The following PYGO1 variants were observed in gnomAD, a reference collection of about 807,000 sequenced individuals.
The protein encoded by PYGO1 is pygopus homolog 1.
PYGO1 carries 6 observed loss-of-function variants against 29.5 expected under a neutral mutation model. That is an observed-to-expected ratio of 0.20 (90% confidence interval 0.11 to 0.40). PYGO1 has a LOEUF of 0.40. PYGO1 is among the 10% of genes least tolerant of loss of function. PYGO1 has a pLI of 1.00. For missense variants in PYGO1, 515 were observed against 514.9 expected (o/e 1.00, Z 0.00); for synonymous variants, 186 against 180.5 (o/e 1.03, Z -0.24).
At chr15:55,565,251 T>C (rs1461182386) in intron 1 of PYGO1, among the ~76,000 whole-genome samples, 2 of 152,090 alleles carry the variant, frequency 1.3e-5, no homozygotes, top group Non-Finnish European at 2.9e-5. Context: ...GACATCTTGG[T>C]GGTCATCTTA....
At chr15:55,588,793 G>C (rs1240815095), upstream of PYGO1, 3 of 1,613,244 alleles carry the variant, frequency 1.9e-6, no homozygotes, top group South Asian at 3.3e-5. Flanking sequence ...GGATCGGAAA[G>C]ATGAACGTAC....
intron 1 of PYGO1, among the ~76,000 whole-genome samples, chr15:55,579,523 T>C (rs2059017371): frequency 1.3e-5 from 2 of 152,134 alleles, no homozygotes; most frequent in East Asian, 3.8e-4. Context: ...AAATTCTTTT[T>C]TATTTTATAA....
upstream of PYGO1, among the ~76,000 whole-genome samples, chr15:55,588,575 G>A (rs994542154): frequency 7.1e-5 from 10 of 140,410 alleles, no homozygotes; most frequent in Non-Finnish European, 1.6e-4. Context: ...CCAAGCCGGG[G>A]CTCGCGGGCC....
chr15:55,585,050 A>T (rs1189903962), intron 1 of PYGO1, among the ~76,000 whole-genome samples: 1 of 152,232 alleles, frequency 6.6e-6, no homozygotes, highest in Non-Finnish European at 1.5e-5. Flanking sequence ...ACAAGTGATT[A>T]TGATGCTTTT....
At chr15:55,583,353 A>C (rs2059033059) in intron 1 of PYGO1, among the ~76,000 whole-genome samples, 1 of 151,456 alleles carries the variant, frequency 6.6e-6, no homozygotes, top group South Asian at 2.1e-4. Flanking sequence ...TAAATCTACA[A>C]ATACGTTTAA....
At chr15:55,572,835 T>C (rs1363730033) in intron 1 of PYGO1, among the ~76,000 whole-genome samples, 1 of 151,148 alleles carries the variant, frequency 6.6e-6, no homozygotes, top group Non-Finnish European at 1.5e-5. Context: ...CAATGAGAAA[T>C]AACCTTACAT....
intron 1 of PYGO1, among the ~76,000 whole-genome samples, chr15:55,559,284 C>A (rs2058922036): frequency 6.6e-6 from 1 of 152,062 alleles, no homozygotes; most frequent in African/African-American, 2.4e-5. Flanking sequence ...AATGAGATAC[C>A]ATCTCACACC....
At chr15:55,587,677 C>G (rs2059054283) in intron 1 of PYGO1, among the ~76,000 whole-genome samples, 158 bp downstream of exon 1, 1 of 151,844 alleles carries the variant, frequency 6.6e-6, no homozygotes. Flanking sequence ...GCCCGGGCCG[C>G]GCGCTCGGAT....
chr15:55,586,930 G>T (rs1013953680), intron 1 of PYGO1, among the ~76,000 whole-genome samples: 1 of 152,164 alleles, frequency 6.6e-6, no homozygotes, highest in African/African-American at 2.4e-5. Flanking sequence ...CCACAAGAGG[G>T]TGAACTCCTA....
chr15:55,560,287 G>A (rs568614447), intron 1 of PYGO1, among the ~76,000 whole-genome samples: 7 of 152,160 alleles, frequency 4.6e-5, no homozygotes, highest in South Asian at 2.1e-4. Context: ...AAACCCCATC[G>A]TCTCAGCTCA....
intron 1 of PYGO1, among the ~76,000 whole-genome samples, chr15:55,573,059 C>A (rs528727192): frequency 1.3e-5 from 2 of 150,464 alleles, no homozygotes; most frequent in Non-Finnish European, 2.9e-5. Flanking sequence ...GTAATCCCAG[C>A]ACTTTGGGAG....
chr15:55,582,038 C>G (rs1019165520), intron 1 of PYGO1, among the ~76,000 whole-genome samples: 1 of 151,772 alleles, frequency 6.6e-6, no homozygotes, highest in Non-Finnish European at 1.5e-5. Flanking sequence ...GAAATCAGCC[C>G]TCTACTAAAC....
chr15:55,557,105 TAAAG>T (rs1180933916), intron 1 of PYGO1, among the ~76,000 whole-genome samples: 1 of 150,380 alleles, frequency 6.6e-6, no homozygotes, highest in Non-Finnish European at 1.5e-5. Context: ...GGACGACTAA[TAAAG>T]AAGAAAAGAG....
chr15:55,549,059 G>A, intron 1 of PYGO1, 64 bp from the exon 2 acceptor site: 2 of 1,234,080 alleles, frequency 1.6e-6, no homozygotes, highest in Non-Finnish European at 2.3e-6. Flanking sequence ...ATATCTCATA[G>A]TAATATCTAT....
intron 1 of PYGO1, among the ~76,000 whole-genome samples, chr15:55,586,027 A>C (rs1372583945): frequency 6.6e-6 from 1 of 152,190 alleles, no homozygotes. Context: ...TGGCTAAGAA[A>C]ATCATTTTCT....
intron 1 of PYGO1, among the ~76,000 whole-genome samples, chr15:55,556,937 C>A (rs1203136086): frequency 1.3e-5 from 2 of 151,676 alleles, no homozygotes; most frequent in African/African-American, 4.8e-5. Context: ...CCTCCCAAGA[C>A]TGAACCAGGA....
At chr15:55,566,653 C>T (rs970716242) in intron 1 of PYGO1, among the ~76,000 whole-genome samples, 8 of 152,200 alleles carry the variant, frequency 5.3e-5, no homozygotes, top group African/African-American at 1.9e-4. Flanking sequence ...AATCTCCAAA[C>T]TGCTTTCCAC....
rs183393820 is a variant in PYGO1 at position 55,576,552 on chromosome 15, C to T, written c.49+11283G>A. On this transcript the variant is annotated intron_variant, in intron 1 of 2. Coordinates refer to ENST00000563719, the MANE Select transcript of PYGO1 (RefSeq NM_001367806.1). ...TTGGGAGGCCAAGGCAGGCAGATCA[C>T]CTGAGGTCAGGAGTTTCAGACCAGC... Among the ~76,000 whole-genome samples, 945 of 149,244 alleles carry T rather than the reference C, an allele frequency of 6.3e-3. 3 individuals are homozygous for T. The highest frequency in any genetic ancestry group is 9.3e-3 in the Non-Finnish European group (629 of 67,586).
At position 55,551,037 on chromosome 15, in the gene PYGO1, A is replaced by G. The variant is rs116921131; in HGVS notation, c.50-2042T>C. On this transcript the variant is annotated intron_variant, in intron 1 of 2. Coordinates refer to ENST00000563719, the MANE Select transcript of PYGO1 (RefSeq NM_001367806.1). The stretch of plus-strand genomic sequence containing the variant: ...AGTTCACAATAGGGTTCACCCTCCT[A>G]TGAGAATCTAATGCTGCTGCTGCTG... Among the ~76,000 whole-genome samples, 1,345 of 152,260 alleles carry G rather than the reference A, an allele frequency of 8.8e-3. 11 individuals are homozygous for G. Among genetic ancestry groups the G allele is most frequent in the Non-Finnish European group, 0.013 (917 of 68,014 alleles).
Sources: allele counts gnomAD v4.1 joint callset (sites outside exome capture counted in the v4.1 genomes callset), GRCh38; gene constraint gnomAD v4.1.1; transcripts MANE v1.5; gene names NCBI Gene and HGNC (gene_info 2026-07-23, HGNC 2026-07-21).